Variants in BAIAP2 observed in about 807,000 individuals in gnomAD.
BAIAP2 encodes BAR/IMD domain-containing adapter protein 2.
A neutral mutation model predicts 63.0 loss-of-function variants in BAIAP2; 18 were observed. The observed-to-expected ratio is 0.29, with a 90% CI of 0.20 to 0.42. The LOEUF (loss-of-function observed/expected upper bound fraction) is 0.42, where lower values mean the gene tolerates loss of function less well. Ranked by LOEUF, BAIAP2 falls within the 10% of genes least tolerant of loss-of-function variation. The pLI is 1.00. For synonymous variants in BAIAP2, 386 were observed against 307.6 expected (o/e 1.25, Z -2.67); for missense variants, 610 against 734.3 (o/e 0.83, Z 1.96).
At chr17:81,093,258 C>T (rs1043189351) in intron 6 of BAIAP2, among the ~76,000 whole-genome samples, 3 of 152,148 alleles carry the variant, frequency 2.0e-5, no homozygotes, top group African/African-American at 7.2e-5. Context: ...GGCATGGGCT[C>T]GACTTGCTGG....
At chr17:81,035,819 C>T (rs1397327566) in intron 1 of BAIAP2, among the ~76,000 whole-genome samples, 2 of 152,126 alleles carry the variant, frequency 1.3e-5, no homozygotes, top group Non-Finnish European at 2.9e-5. Context: ...GGCGCGGTTG[C>T]GCGAGCCTCG....
chr17:81,036,807 GGAGGTTTATTAAATTATTAGTCAT>G (rs1484754848), intron 1 of BAIAP2: 36 of 1,403,118 alleles, frequency 2.6e-5, no homozygotes, highest in Non-Finnish European at 3.5e-5. Flanking sequence ...GTCAAGGGAG[GGAGGTTTATTAAATTATTAGTCAT>G]TAGCTCCATT....
intron 3 of BAIAP2, among the ~76,000 whole-genome samples, chr17:81,082,082 G>T (rs1281746142): frequency 1.3e-5 from 2 of 152,038 alleles, no homozygotes; most frequent in African/African-American, 4.8e-5. Flanking sequence ...GGGCCAGCGT[G>T]GTCCTGGAGA....
chr17:81,094,758 A>G (rs2057351185), intron 6 of BAIAP2, among the ~76,000 whole-genome samples: 1 of 152,146 alleles, frequency 6.6e-6, no homozygotes, highest in Non-Finnish European at 1.5e-5. Context: ...GCCAGTGACC[A>G]TGTGCTACTT....
chr17:81,062,573 G>A (rs535873465), intron 3 of BAIAP2, among the ~76,000 whole-genome samples: 22 of 152,198 alleles, frequency 1.4e-4, no homozygotes, highest in African/African-American at 5.3e-4. Flanking sequence ...TGGGCTGCTC[G>A]GCCGTGCAGA....
chr17:81,105,896 G>C, intron 10 of BAIAP2, 182 bp from the exon 11 acceptor site: 1 of 579,768 alleles, frequency 1.7e-6, no homozygotes, highest in Non-Finnish European at 3.1e-6. Flanking sequence ...TTGCCCTTGA[G>C]GCTGAGCACA....
At chr17:81,043,096 G>T (rs2047311752) in intron 1 of BAIAP2, among the ~76,000 whole-genome samples, 1 of 152,036 alleles carries the variant, frequency 6.6e-6, no homozygotes, top group Non-Finnish European at 1.5e-5. Flanking sequence ...TTAACACCTG[G>T]GGTCAAATGA....
chr17:81,095,362 A>G (rs1377613099), intron 6 of BAIAP2, among the ~76,000 whole-genome samples: 1 of 152,154 alleles, frequency 6.6e-6, no homozygotes, highest in African/African-American at 2.4e-5. Context: ...AGCAGGTCAC[A>G]GTTGGCCGGG....
intron 3 of BAIAP2, among the ~76,000 whole-genome samples, chr17:81,063,208 GA>G (rs1243260313): frequency 6.6e-6 from 1 of 152,136 alleles, no homozygotes. Flanking sequence ...TGGAGCGTAT[GA>G]GGGGGTGAGG....
At chr17:81,079,679 C>T (rs2054269714) in intron 3 of BAIAP2, among the ~76,000 whole-genome samples, 1 of 152,216 alleles carries the variant, frequency 6.6e-6, no homozygotes, top group African/African-American at 2.4e-5. Flanking sequence ...CCCAACACCC[C>T]AGATCCCCGG....
intron 3 of BAIAP2, among the ~76,000 whole-genome samples, chr17:81,062,158 C>G (rs571182389): frequency 6.6e-6 from 1 of 152,240 alleles, no homozygotes; most frequent in African/African-American, 2.4e-5. Flanking sequence ...ACCATGTTGT[C>G]CAGGCTGCTC....
intron 7 of BAIAP2, among the ~76,000 whole-genome samples, chr17:81,100,984 C>T (rs988772930): frequency 6.6e-6 from 1 of 152,168 alleles, no homozygotes; most frequent in African/African-American, 2.4e-5. Context: ...CTCTGCCCGT[C>T]ATCTGTTGAG....
chr17:81,091,048 G>A (rs1022740759), intron 6 of BAIAP2, among the ~76,000 whole-genome samples: 3 of 16,988 alleles, frequency 1.8e-4, no homozygotes, highest in Admixed American at 1.5e-3. Context: ...ATTCCACCCC[G>A]CCCCCACTTG....
intron 6 of BAIAP2, among the ~76,000 whole-genome samples, chr17:81,098,651 A>C (rs910804788): frequency 2.0e-5 from 3 of 152,152 alleles, no homozygotes; most frequent in African/African-American, 7.2e-5. Context: ...GTTGAGACTC[A>C]GTTTTCCTTT....
intron 3 of BAIAP2, among the ~76,000 whole-genome samples, chr17:81,062,016 C>T (rs891431050): frequency 6.6e-6 from 1 of 152,174 alleles, no homozygotes; most frequent in Non-Finnish European, 1.5e-5. Flanking sequence ...AATCTCGGCT[C>T]ACTGCCACCT....
At position 81,035,198 on chromosome 17, in the gene BAIAP2, T is replaced by TGCTGCCGCTGCTGCCGCC; in HGVS notation, c.-49_-48insTGCTGCCGCCGCTGCCGC. On this transcript the variant is annotated 5_prime_UTR_variant, in exon 1 of 14. Coordinates refer to ENST00000428708, the MANE Select transcript of BAIAP2 (RefSeq NM_001144888.2). The stretch of plus-strand genomic sequence containing the variant: ...TCCGTCCTGCTGCCGTTACCGCCGC[T>TGCTGCCGCTGCTGCCGCC]GCTGCCGCCGCTTGCGTCCCCCGCT... 1.4e-6 allele frequency: 2 copies of TGCTGCCGCTGCTGCCGCC among 1,396,988 alleles called. No individual in the cohort carries two copies. The highest frequency in any genetic ancestry group is 2.8e-5 in the South Asian group (2 of 71,006). 86.5% of individuals were successfully genotyped at this position (1,396,988 alleles called of 1,614,324 possible).
At chr17:81,099,161 C>CGCTGGTCTTGCTGTCCCCGTGGAT (rs1249052273) in intron 6 of BAIAP2, among the ~76,000 whole-genome samples, 4 of 152,112 alleles carry the variant, frequency 2.6e-5, no homozygotes, top group Non-Finnish European at 4.4e-5. Flanking sequence ...TCCCCGTGGA[C>CGCTGGTCTTGCTGTCCCCGTGGAT]GCTGGTCTTG....
At chr17:81,107,066 A>T in intron 12 of BAIAP2, 159 bp downstream of exon 12, 1 of 896,698 alleles carries the variant, frequency 1.1e-6, no homozygotes, top group Non-Finnish European at 1.6e-6. Flanking sequence ...GAATGTGTAC[A>T]CACCCCTGCT....
At chr17:81,112,430 A>G (rs1293481161) in intron 13 of BAIAP2, among the ~76,000 whole-genome samples, 1 of 152,214 alleles carries the variant, frequency 6.6e-6, no homozygotes, top group African/African-American at 2.4e-5. Flanking sequence ...AGCCACTTGC[A>G]GTTGGCCAAG....
Sources: gnomAD v4.1 joint callset for allele counts (sites outside exome capture counted in the v4.1 genomes callset) on GRCh38, gnomAD v4.1.1 for gene constraint, MANE v1.5 for transcripts, NCBI Gene and HGNC (gene_info 2026-07-23, HGNC 2026-07-21) for gene names.